The following LYN variants were observed in gnomAD, a reference collection of about 807,000 sequenced individuals.
The protein encoded by LYN is tyrosine-protein kinase Lyn.
LYN carries 12 observed loss-of-function variants against 65.0 expected under a neutral mutation model. The ratio of observed to expected loss-of-function variants is 0.18; its 90% CI spans 0.12 to 0.30. The LOEUF (loss-of-function observed/expected upper bound fraction) is 0.30. LYN is among the 10% of genes least tolerant of loss of function. The pLI, the probability that LYN is intolerant of heterozygous loss-of-function variation, is 1.00. For synonymous variants in LYN, 222 were observed against 221.2 expected (o/e 1.00, Z -0.03); for missense variants, 380 against 623.2 (o/e 0.61, Z 4.16).
chr8:55,950,896 A>AG, intron 6 of LYN, 112 bp downstream of exon 6: 1 of 724,862 alleles, frequency 1.4e-6, no homozygotes, highest in South Asian at 1.7e-5. Flanking sequence ...TCTGGTAGTA[A>AG]AAGTTTTATG....
chr8:55,950,827 A>T (rs761353837), intron 6 of LYN, 43 bp downstream of exon 6: 49 of 1,378,968 alleles, frequency 3.6e-5, no homozygotes, highest in Non-Finnish European at 4.9e-5. Flanking sequence ...CTATTTAGGA[A>T]ATTATTTTTA....
chr8:55,984,488 C>T (rs1585666286), intron 10 of LYN, among the ~76,000 whole-genome samples: 1 of 152,368 alleles, frequency 6.6e-6, no homozygotes, highest in East Asian at 1.9e-4. Context: ...CAGATCCCAA[C>T]ACTCAAAGTC....
intron 8 of LYN, among the ~76,000 whole-genome samples, chr8:55,954,189 A>G (rs1288862486): frequency 1.3e-5 from 2 of 152,172 alleles, no homozygotes; most frequent in Non-Finnish European, 2.9e-5. Context: ...GCGACTTAGT[A>G]ATTCTCTTAA....
At chr8:56,003,585 T>G (rs961027340) in intron 12 of LYN, among the ~76,000 whole-genome samples, 3 of 151,658 alleles carry the variant, frequency 2.0e-5, no homozygotes, top group Non-Finnish European at 2.9e-5. Flanking sequence ...GAGAATCGCT[T>G]GAATGCTTGA....
At chr8:55,933,108 A>T (rs1275287528) in intron 1 of LYN, among the ~76,000 whole-genome samples, 1 of 152,240 alleles carries the variant, frequency 6.6e-6, no homozygotes, top group Non-Finnish European at 1.5e-5. Flanking sequence ...TCCTGAACCT[A>T]AAATAAAAGT....
chr8:55,950,423 C>A, intron 4 of LYN, 36 bp from the exon 5 acceptor site: 9 of 1,424,374 alleles, frequency 6.3e-6, no homozygotes, highest in Non-Finnish European at 8.8e-6. Context: ...AGTATGTAAT[C>A]TTTTAGCTTC....
intron 1 of LYN, among the ~76,000 whole-genome samples, chr8:55,931,299 G>T (rs1285551556): frequency 6.7e-6 from 1 of 150,104 alleles, no homozygotes; most frequent in Non-Finnish European, 1.5e-5. Context: ...TGTATAACTT[G>T]TCTATGTATT....
chr8:55,972,275 A>G (rs911841927), intron 10 of LYN, among the ~76,000 whole-genome samples: 3 of 152,154 alleles, frequency 2.0e-5, no homozygotes, highest in Non-Finnish European at 4.4e-5. Flanking sequence ...GCTCCATTTG[A>G]GTTCATCTTT....
chr8:55,911,098 T>TATATATACACACACACACAC lies in LYN; in HGVS notation c.-5-30756_-5-30755insTATATACACACACACACACA, dbSNP rs1162508957. 1.7e-4 allele frequency among the ~76,000 whole-genome samples: 2 copies of TATATATACACACACACACAC among 11,692 alleles called. 1 individual carries two copies. Among genetic ancestry groups the TATATATACACACACACACAC allele is most frequent in the Non-Finnish European group, 3.4e-4 (2 of 5,896 alleles). The allele number at this position is 11,692 out of a possible 152,430, so 7.7% of individuals were successfully genotyped here. A position where few individuals can be genotyped will look rare whatever the true frequency, so the allele number is the denominator to read the frequency against. On this transcript the variant is annotated intron_variant, in intron 1 of 12. Coordinates refer to ENST00000519728, the MANE Select transcript of LYN (RefSeq NM_002350.4). Reference sequence around the variant, plus strand: ...ATATACATACATATATATATATATATACATACACGTATATATACGTATATA... The same window carrying TATATATACACACACACACAC: ...ATATACATACATATATATATATATATATATATACACACACACACACACATACACGTATATATACGTATATA...
intron 1 of LYN, among the ~76,000 whole-genome samples, chr8:55,940,576 A>G (rs942583440): frequency 6.6e-6 from 1 of 152,104 alleles, no homozygotes; most frequent in Non-Finnish European, 1.5e-5. Flanking sequence ...GGGTTTCACC[A>G]TGTTGGCCAG....
chr8:55,898,968 G>T (rs2137126), intron 1 of LYN, among the ~76,000 whole-genome samples: 72,565 of 151,014 alleles, frequency 0.48, 17,925 homozygotes, highest in East Asian at 0.77. Flanking sequence ...GGGACCACAG[G>T]TGTACACCAC....
intron 12 of LYN, among the ~76,000 whole-genome samples, chr8:56,004,884 A>G (rs1397698683): frequency 6.6e-6 from 1 of 152,070 alleles, no homozygotes; most frequent in East Asian, 1.9e-4. Context: ...TCCTGGGCTC[A>G]AGTGATCCTC....
chr8:56,009,843 C>G, intron 12 of LYN, 65 bp from the exon 13 acceptor site: 1 of 1,347,134 alleles, frequency 7.4e-7, no homozygotes. Context: ...CACTGCAGTG[C>G]TTGACCCTCT....
At chr8:56,004,181 T>C (rs1276336494) in intron 12 of LYN, among the ~76,000 whole-genome samples, 3 of 151,798 alleles carry the variant, frequency 2.0e-5, no homozygotes, top group African/African-American at 7.3e-5. Flanking sequence ...ATCTGCCTGC[T>C]TTGGCCTCCC....
chr8:56,002,312 G>A (rs1023826189), intron 12 of LYN, among the ~76,000 whole-genome samples: 2 of 152,060 alleles, frequency 1.3e-5, no homozygotes, highest in African/African-American at 2.4e-5. Context: ...CCAGCTACTC[G>A]GGAGGCTGGG....
At chr8:55,924,005 G>C (rs1210815964) in intron 1 of LYN, among the ~76,000 whole-genome samples, 1 of 151,796 alleles carries the variant, frequency 6.6e-6, no homozygotes, top group African/African-American at 2.4e-5. Flanking sequence ...TCCAACCTTA[G>C]AATCATATTG....
chr8:55,989,701 C>T (rs977192440), intron 10 of LYN, among the ~76,000 whole-genome samples: 1 of 152,180 alleles, frequency 6.6e-6, no homozygotes, highest in African/African-American at 2.4e-5. Flanking sequence ...AGACAGGTCT[C>T]CATCAATTTA....
chr8:55,910,580 T>C (rs1233651200), intron 1 of LYN, among the ~76,000 whole-genome samples: 1 of 152,214 alleles, frequency 6.6e-6, no homozygotes, highest in African/African-American at 2.4e-5. Context: ...TCAAGTAATA[T>C]GATGCCTCTA....
chr8:55,947,822 C>T (rs1054656185), intron 4 of LYN, 99 bp downstream of exon 4: 15 of 813,706 alleles, frequency 1.8e-5, no homozygotes, highest in African/African-American at 1.0e-4. Context: ...AGCCATAGCC[C>T]GGCCCCTTTC....
Sources: gnomAD v4.1 joint callset for allele counts (sites outside exome capture counted in the v4.1 genomes callset) on GRCh38, gnomAD v4.1.1 for gene constraint, MANE v1.5 for transcripts, NCBI Gene and HGNC (gene_info 2026-07-23, HGNC 2026-07-21) for gene names.